Variants in KDM6B observed in about 807,000 individuals in gnomAD.
KDM6B encodes the protein lysine-specific demethylase 6B.
Under a neutral mutation model 150.4 loss-of-function variants are expected in KDM6B, and 22 were observed. The observed-to-expected ratio is 0.15, with a 90% CI of 0.10 to 0.21. The LOEUF (loss-of-function observed/expected upper bound fraction) is 0.21. Among genes scored for constraint, KDM6B ranks in the 10% least tolerant of loss-of-function variants. The pLI, the probability that KDM6B is intolerant of heterozygous loss-of-function variation, is 1.00. For synonymous variants in KDM6B, 1,148 were observed against 921.1 expected (o/e 1.25, Z -4.46); for missense variants, 1,984 against 2,234.3 (o/e 0.89, Z 2.26).
At chr17:7,835,897 C>T (rs74692204) in intron 1 of KDM6B, among the ~76,000 whole-genome samples, 10,321 of 152,218 alleles carry the variant, frequency 0.068, 702 homozygotes, top group East Asian at 0.38. Flanking sequence ...CGGTCTGCAC[C>T]GTTTCGCCGG....
chr17:7,843,232 T>A lies in KDM6B; in HGVS notation c.-268-1669T>A, dbSNP rs918717118. Among the ~76,000 whole-genome samples the A allele has an allele frequency of 6.6e-6, 1 of 152,138 alleles. No homozygotes were observed. The highest frequency in any genetic ancestry group is 1.5e-5 in the Non-Finnish European group (1 of 68,012). On this transcript the variant is annotated intron_variant, in intron 2 of 23. Coordinates refer to ENST00000448097, the MANE Select transcript of KDM6B (RefSeq NM_001348716.2). This position sits in a 1 kb window ranked among gnomAD's most constrained non-coding sequence, Gnocchi z 4.5. ...TGTTGTCTGGTTCCCCGGCTCCCCC[T>A]CCACGTCTGGTTCTTGGGTCTCCTC...
In KDM6B at chr17:7,846,628, C is replaced by T. The variant is rs1219026979; in HGVS notation, c.599C>T (p.Ala200Val). Residue 200 changes from alanine to valine, a missense_variant, in exon 9 of 24, where the codon GCT becomes GTT. Ala to Val is a moderately conservative substitution (Grantham distance 64, BLOSUM62 0). Around this residue, in one of 13 missense-constraint regions of KDM6B, gnomAD observed 337 missense variants for 323.9 expected, o/e 1.04. Transcript: ENST00000448097. Reference protein sequence around the residue: ...AKRGGPPVKRAAEPPVVQPVP... With the variant: ...AKRGGPPVKRVAEPPVVQPVP... ...CGGGGAGGTCCCCCGGTGAAGCGAGCTGCTGAACCCCCAGTGGTGCAGCCT... is the reference window on the plus strand; with the variant it reads ...CGGGGAGGTCCCCCGGTGAAGCGAGTTGCTGAACCCCCAGTGGTGCAGCCT... 6 of 1,614,130 alleles carry T rather than the reference C, an allele frequency of 3.7e-6. No homozygotes were observed. Among genetic ancestry groups the T allele is most frequent in the Non-Finnish European group, 5.1e-6 (6 of 1,180,016 alleles).
rs1022526384 is a variant in KDM6B, at chr17:7,843,112, A to C, written c.-268-1789A>C. On this transcript the variant is annotated intron_variant, in intron 2 of 23. Transcript: ENST00000448097. This position sits in a 1 kb window ranked among gnomAD's most constrained non-coding sequence, Gnocchi z 4.5. ...TTCCCCGTGGGAAAGGGGAAGTGGC[A>C]GAGGGGAAGTGTCATCATCGCCGAA... Among the ~76,000 whole-genome samples the C allele has an allele frequency of 5.9e-5, 9 of 152,166 alleles. No homozygotes were observed. Among genetic ancestry groups the C allele is most frequent in the South Asian group, 2.1e-4 (1 of 4,834 alleles).
Position 7,844,999 on chromosome 17 carries a change from A to AT in KDM6B, c.-170_-169insT. ...CTCTGGAGCTTGCCGACGCGGTGTG[A>AT]GGACGCTCCCACGGAGGCCGGGTAA... On this transcript the variant is annotated 5_prime_UTR_variant, in exon 3 of 24. In the 5' UTR this introduces an upstream ATG that the reference lacks. Transcript: ENST00000448097. The surrounding 1 kb of genome is among the most constrained non-coding windows in gnomAD (Gnocchi z 5.9). 2 of 186,546 alleles carry AT rather than the reference A, an allele frequency of 1.1e-5. No homozygotes were observed. Among genetic ancestry groups the AT allele is most frequent in the South Asian group, 1.8e-4 (2 of 10,894 alleles). 11.6% of individuals were successfully genotyped at this position (186,546 alleles called of 1,614,324 possible). A position where few individuals can be genotyped will look rare whatever the true frequency, so the allele number is the denominator to read the frequency against.
chr17:7,835,190 G>C (rs2078308743), intron 1 of KDM6B, among the ~76,000 whole-genome samples: 1 of 152,154 alleles, frequency 6.6e-6, no homozygotes, highest in African/African-American at 2.4e-5. Flanking sequence ...AGACGGGGAG[G>C]GGGCTGGGGA....
At position 7,851,781 on chromosome 17, in the gene KDM6B, G is replaced by A. The variant is rs1268386793; in HGVS notation, c.4150G>A (p.Gly1384Ser). The A allele has an allele frequency of 1.3e-6, 2 of 1,554,728 alleles. No homozygotes were observed. Among genetic ancestry groups the A allele is most frequent in the Non-Finnish European group, 1.7e-6 (2 of 1,149,730 alleles). Residue 1384 changes from glycine (G) to serine (S), a missense_variant, in exon 18 of 24, where the codon GGC becomes AGC. This residue lies in a region of KDM6B where 31 missense variants were observed against 120.3 expected (regional missense o/e 0.26). Coordinates refer to ENST00000448097, the MANE Select transcript of KDM6B (RefSeq NM_001348716.2). The part of the protein sequence containing the change: ...NTVQLYMKVP[G>S]SRTPGHQENN... ...GGTGCAGCTGTACATGAAGGTGCCC[G>A]GCAGCCGAACGCCAGGTGCGCTCCA...
chr17:7,849,379 C>T lies in KDM6B; in HGVS notation c.3091C>T (p.Arg1031Cys). ...LDLQSEEIQG[R>C]EKSRPDLGGA... ...CCTGCAGAGCGAGGAGATCCAGGGTCGTGAGAAGTCCCGGCCCGATCTTGG... is the reference window on the plus strand; with the variant it reads ...CCTGCAGAGCGAGGAGATCCAGGGTTGTGAGAAGTCCCGGCCCGATCTTGG... The change falls in exon 12 of 24, where the codon CGT (arginine) becomes TGT (cysteine). Residue 1031 changes from arginine to cysteine, a missense_variant. By Grantham distance (180) the Arg-to-Cys change is radical (BLOSUM62 -3). Coordinates refer to ENST00000448097, the MANE Select transcript of KDM6B (RefSeq NM_001348716.2). 1.9e-6 allele frequency: 3 copies of T among 1,608,496 alleles called. No individual in the cohort carries two copies. The highest frequency in any genetic ancestry group is 2.5e-6 in the Non-Finnish European group (3 of 1,178,242).
intron 1 of KDM6B, among the ~76,000 whole-genome samples, chr17:7,836,717 G>A (rs1313217948): frequency 6.6e-6 from 1 of 152,278 alleles, no homozygotes; most frequent in East Asian, 1.9e-4. Context: ...GGGTAAAAGA[G>A]ATAAGGACGC....
chr17:7,852,021 G>C lies in KDM6B; in HGVS notation c.4236G>C (p.Ala1412=), dbSNP rs777410271. 12 of 1,614,072 alleles carry C rather than the reference G, an allele frequency of 7.4e-6. No homozygotes were observed. Among genetic ancestry groups the C allele is most frequent in the Non-Finnish European group, 1.0e-5 (12 of 1,180,012 alleles). Reference sequence around the variant, plus strand: ...GCCCAGGCGACTGCGAGTGGTTCGCGGTGCACGAGCACTACTGGGAGACCA... The same window carrying C: ...GCCCAGGCGACTGCGAGTGGTTCGCCGTGCACGAGCACTACTGGGAGACCA... The part of the protein sequence containing the change: ...NIGPGDCEWF[A]VHEHYWETIS... Residue 1412 remains alanine, a synonymous_variant, in exon 19 of 24, where the codon GCG becomes GCC. Coordinates refer to ENST00000448097, the MANE Select transcript of KDM6B (RefSeq NM_001348716.2).
chr17:7,846,384 G>GGCCCCCCCCCCCCC lies in KDM6B; in HGVS notation c.457-16_457-15insGCCCCCCCCCCCCC. ...CACCTGACATCTGCCCCTGCCCCGT[G>GGCCCCCCCCCCCCC]TCCCCCCACCCCCAGGCCCAGCTCT... On this transcript the variant is annotated splice_polypyrimidine_tract_variant and intron_variant, in intron 7 of 23. Transcript: ENST00000448097. 1 of 1,525,292 alleles carries GGCCCCCCCCCCCCC rather than the reference G, an allele frequency of 6.6e-7. No individual in the cohort carries two copies. Among genetic ancestry groups the GGCCCCCCCCCCCCC allele is most frequent in the Non-Finnish European group, 8.9e-7 (1 of 1,125,190 alleles). The allele number at this position is 1,525,292 out of a possible 1,614,324, so 94.5% of individuals were successfully genotyped here. A position where few individuals can be genotyped will look rare whatever the true frequency, so the allele number is the denominator to read the frequency against.
Position 7,847,173 on chromosome 17 carries a change from C to T in KDM6B, c.978C>T (p.Gly326=). 6.2e-7 allele frequency: 1 copy of T among 1,605,600 alleles called. No homozygotes were observed. The highest frequency in any genetic ancestry group is 2.2e-5 in the East Asian group (1 of 44,872). ...CAGCGTACACCGCGCACCCCCCTGG[C>T]CACCGGCTGGTCCCGGCTGCTCCCC... The part of the protein sequence containing the change: ...PAPAYTAHPP[G]HRLVPAAPPG... Residue 326 remains glycine, a synonymous_variant, in exon 11 of 24, where the codon GGC becomes GGT. Coordinates refer to ENST00000448097, the MANE Select transcript of KDM6B (RefSeq NM_001348716.2).
At chr17:7,834,704 A>C (rs925449450) in intron 1 of KDM6B, among the ~76,000 whole-genome samples, 9 of 152,004 alleles carry the variant, frequency 5.9e-5, no homozygotes, top group Admixed American at 1.3e-4. Flanking sequence ...AGACAGGTCA[A>C]TGCCATGGCC....
chr17:7,853,160 G>A, intron 22 of KDM6B, 34 bp downstream of exon 22: 1 of 1,614,050 alleles, frequency 6.2e-7, no homozygotes, highest in Middle Eastern at 1.6e-4. Flanking sequence ...CTCCCTGAGT[G>A]TCCACAGTGG....
intron 7 of KDM6B, 29 bp from the exon 8 acceptor site, chr17:7,846,371 G>GGGGCGGGCCCGGGGCCCCCCCCC: frequency 2.0e-6 from 3 of 1,488,916 alleles, no homozygotes; most frequent in Non-Finnish European, 2.8e-6. Flanking sequence ...CCTGACATCT[G>GGGGCGGGCCCGGGGCCCCCCCCC]CCCCTGCCCC....
In KDM6B at chr17:7,846,163, G is replaced by C. The variant is rs200647645; in HGVS notation, c.322G>C (p.Gly108Arg). ...QALLREPAQP[G>R]LWEQLGQLYE... is the part of the protein sequence containing the mutation. Reference sequence around the variant, plus strand: ...ATTGCTCCGGGAGCCAGCCCAGCCAGGGCTTTGGGAACAGCTTGGGCAACT... The same window carrying C: ...ATTGCTCCGGGAGCCAGCCCAGCCACGGCTTTGGGAACAGCTTGGGCAACT... Residue 108 changes from glycine (G) to arginine (R), a missense_variant, in exon 7 of 24, where the codon GGG (glycine) becomes CGG (arginine). By Grantham distance (125) the Gly-to-Arg change is moderately radical (BLOSUM62 -2). Coordinates refer to ENST00000448097, the MANE Select transcript of KDM6B (RefSeq NM_001348716.2). The C allele has an allele frequency of 3.7e-6, 6 of 1,613,162 alleles. No homozygotes were observed. The highest frequency in any genetic ancestry group is 5.1e-6 in the Non-Finnish European group (6 of 1,179,598).
chr17:7,845,600 G>T lies in KDM6B; in HGVS notation c.46G>T (p.Ala16Ser). ...TCCAGGGGCCCGCGCTGCACGGGAA[G>T]CCTTTGCCCTTGGGGGCCTGAGCTG... is the stretch of plus-strand genomic sequence containing the variant. ...DPPGARAARE[A>S]FALGGLSCAG... Residue 16 changes from alanine to serine, a missense_variant, in exon 5 of 24, where the codon GCC (alanine) becomes TCC (serine). By Grantham distance (99) the Ala-to-Ser change is moderately conservative. Transcript: ENST00000448097. The T allele has an allele frequency of 6.2e-7, 1 of 1,614,204 alleles. No homozygotes were observed. The highest frequency in any genetic ancestry group is 8.5e-7 in the Non-Finnish European group (1 of 1,180,048).
At position 7,853,065 on chromosome 17, in the gene KDM6B, A is replaced by G; in HGVS notation, c.4676A>G (p.Lys1559Arg). ...CGCGAGAGCCTGGTGCGGGCAGGGA[A>G]GAAAATCGCTTACCAGGGCCGTGTC... ...VQRESLVRAG[K>R]KIAYQGRVKD... The change falls in exon 22 of 24, where the codon AAG becomes AGG. Residue 1559 changes from lysine (K) to arginine (R), a missense_variant. Physicochemically the swap from Lys to Arg is conservative, Grantham distance 26. This residue lies in a region of KDM6B where 18 missense variants were observed against 23.6 expected (regional missense o/e 0.76). Coordinates refer to ENST00000448097, the MANE Select transcript of KDM6B (RefSeq NM_001348716.2). 6.2e-7 allele frequency: 1 copy of G among 1,614,112 alleles called. No homozygotes were observed. Among genetic ancestry groups the G allele is most frequent in the East Asian group, 2.2e-5 (1 of 44,882 alleles).
chr17:7,849,691 A>G lies in KDM6B; in HGVS notation c.3403A>G (p.Ile1135Val). The G allele has an allele frequency of 6.2e-7, 1 of 1,610,388 alleles. No individual in the cohort carries two copies. The highest frequency in any genetic ancestry group is 8.5e-7 in the Non-Finnish European group (1 of 1,179,888). The change falls in exon 12 of 24, where the codon ATC (isoleucine) becomes GTC (valine). Residue 1135 changes from isoleucine (I) to valine (V), a missense_variant. Physicochemically the swap from Ile to Val is conservative, Grantham distance 29. Coordinates refer to ENST00000448097, the MANE Select transcript of KDM6B (RefSeq NM_001348716.2). ...GCGGCTGCGCATGGCAGACCTCACCATCAGCCACTGTGCTGCTGACGTCGT... is the reference window on the plus strand; with the variant it reads ...GCGGCTGCGCATGGCAGACCTCACCGTCAGCCACTGTGCTGCTGACGTCGT... Reference protein sequence around the residue: ...ERRLRMADLTISHCAADVVRA... With the variant: ...ERRLRMADLTVSHCAADVVRA...
Position 7,846,859 on chromosome 17 carries a change from T to TACCACCACCACCACCATTACCACC in KDM6B, c.768_769insTTACCACCACCACCACCACCACCA (p.Pro256_Pro257insLeuProProProProProProPro). The TACCACCACCACCACCATTACCACC allele has an allele frequency of 8.2e-7, 1 of 1,214,734 alleles. No homozygotes were observed. Among genetic ancestry groups the TACCACCACCACCACCATTACCACC allele is most frequent in the South Asian group, 1.3e-5 (1 of 79,088 alleles). 75.2% of individuals were successfully genotyped at this position (1,214,734 alleles called of 1,614,324 possible). ...GGGCTGCCACTGCCTCCACCACCAT[T>TACCACCACCACCACCATTACCACC]ACCACCACCACCACCACCACCACCA... is the stretch of plus-strand genomic sequence containing the variant. On this transcript the variant is annotated inframe_insertion, in exon 10 of 24. Coordinates refer to ENST00000448097, the MANE Select transcript of KDM6B (RefSeq NM_001348716.2).
Sources: gnomAD v4.1 joint callset for allele counts (sites outside exome capture counted in the v4.1 genomes callset) on GRCh38, gnomAD v4.1.1 for gene constraint, gnomAD v4.1.1 regional missense constraint, Gnocchi (gnomAD v3.1) non-coding constraint, MANE v1.5 for transcripts, NCBI Gene and HGNC (gene_info 2026-07-23, HGNC 2026-07-21) for gene names.